The following RAPGEF2 variants were observed in gnomAD, a reference collection of about 807,000 sequenced individuals.
RAPGEF2 encodes the protein PDZ domain containing guanine nucleotide exchange factor (GEF) 1.
A neutral mutation model predicts 186.7 loss-of-function variants in RAPGEF2; 54 were observed. The ratio of observed to expected loss-of-function variants is 0.29; its 90% CI spans 0.23 to 0.36. The LOEUF is 0.36. Among genes scored for constraint, RAPGEF2 ranks in the 10% least tolerant of loss-of-function variants. The pLI is 1.00. For missense variants in RAPGEF2, 1,532 were observed against 2,045.0 expected (o/e 0.75, Z 4.84); for synonymous variants, 712 against 705.9 (o/e 1.01, Z -0.14).
intron 8 of RAPGEF2, 144 bp downstream of exon 8, chr4:159,304,617 GTA>G (rs1763063805): frequency 5.4e-6 from 4 of 746,712 alleles, no homozygotes; most frequent in South Asian, 2.7e-5. Context: ...TGTTTATTTC[GTA>G]TATGTTATTT....
intron 7 of RAPGEF2, among the ~76,000 whole-genome samples, chr4:159,291,692 G>A (rs1761238595): frequency 1.3e-5 from 2 of 152,104 alleles, no homozygotes; most frequent in African/African-American, 4.8e-5. Context: ...TATATAACCA[G>A]TGTATCCACA....
chr4:159,355,280 G>A (rs1326144763), intron 28 of RAPGEF2, among the ~76,000 whole-genome samples: 2 of 152,190 alleles, frequency 1.3e-5, no homozygotes, highest in East Asian at 3.8e-4. Context: ...AATAGTTTTA[G>A]AATTTTTAAA....
At position 159,153,599 on chromosome 4, in the gene RAPGEF2, T is replaced by G. The variant is rs554270391; in HGVS notation, c.70-33043T>G. ...AACTGAACACTGTGAGAGTCTCTTA[T>G]CCTAATCCTTTTAACTGACCTATCA... On this transcript the variant is annotated intron_variant, in intron 1 of 29. Coordinates refer to ENST00000691494, the MANE Select transcript of RAPGEF2 (RefSeq NM_001394067.2). 3.9e-5 allele frequency among the ~76,000 whole-genome samples: 6 copies of G among 152,350 alleles called. No homozygotes were observed. In the East Asian group the frequency reaches 9.6e-4, roughly 24 times the overall value.
intron 4 of RAPGEF2, among the ~76,000 whole-genome samples, chr4:159,213,507 A>G (rs1013161839): frequency 5.9e-5 from 9 of 152,172 alleles, no homozygotes; most frequent in African/African-American, 2.2e-4. Context: ...CAACATTTTT[A>G]TATTTTTGAT....
At chr4:159,188,242 C>A (rs753994980) in intron 2 of RAPGEF2, among the ~76,000 whole-genome samples, 11 of 152,158 alleles carry the variant, frequency 7.2e-5, no homozygotes, top group Non-Finnish European at 1.6e-4. Flanking sequence ...CACATTCCCA[C>A]TGTGCACATA....
At chr4:159,105,930 ATTAG>A (rs1249361954) in intron 1 of RAPGEF2, among the ~76,000 whole-genome samples, 1 of 152,238 alleles carries the variant, frequency 6.6e-6, no homozygotes, top group Non-Finnish European at 1.5e-5. Context: ...CATTTGGTTG[ATTAG>A]TTAGAAGAAT....
rs557367817 is a variant in RAPGEF2, at chr4:159,134,194, G to A, written c.69+29963G>A. 4.6e-4 allele frequency among the ~76,000 whole-genome samples: 70 copies of A among 152,206 alleles called. 1 individual carries two copies. The highest frequency in any genetic ancestry group is 1.7e-3 in the African/African-American group (69 of 41,542). On this transcript the variant is annotated intron_variant, in intron 1 of 29. Transcript: ENST00000691494. ...ATCTGATTTCTATCCTTATAGTTTT[G>A]CCTTTTTAAGAATGTCTTGTACTGT... is the stretch of plus-strand genomic sequence containing the variant.
intron 1 of RAPGEF2, among the ~76,000 whole-genome samples, chr4:159,116,015 A>T (rs1221330371): frequency 6.6e-6 from 1 of 152,246 alleles, no homozygotes; most frequent in East Asian, 1.9e-4. Flanking sequence ...ACCATTCAGG[A>T]CATAGGCACG....
chr4:159,306,153 T>C (rs1763271334), intron 8 of RAPGEF2, among the ~76,000 whole-genome samples: 1 of 150,604 alleles, frequency 6.6e-6, no homozygotes, highest in Non-Finnish European at 1.5e-5. Flanking sequence ...TTTTTTTTTC[T>C]AATTCTGTGA....
intron 1 of RAPGEF2, among the ~76,000 whole-genome samples, chr4:159,164,180 AT>A (rs1364243254): frequency 6.6e-6 from 1 of 151,420 alleles, no homozygotes; most frequent in East Asian, 1.9e-4. Context: ...AATTTTTTGT[AT>A]TTTTAGTAGA....
chr4:159,290,793 A>G (rs1181469884), intron 7 of RAPGEF2, among the ~76,000 whole-genome samples: 1 of 152,182 alleles, frequency 6.6e-6, no homozygotes, highest in Non-Finnish European at 1.5e-5. Context: ...AAAATCTATT[A>G]GACTTCTTGC....
chr4:159,237,943 A>G (rs986240837), intron 4 of RAPGEF2, among the ~76,000 whole-genome samples: 16 of 149,848 alleles, frequency 1.1e-4, no homozygotes, highest in African/African-American at 3.9e-4. Context: ...GCTTGAGTTC[A>G]GGAGTTCAAG....
chr4:159,293,770 A>T (rs1457415108), intron 7 of RAPGEF2, among the ~76,000 whole-genome samples: 2 of 152,222 alleles, frequency 1.3e-5, no homozygotes, highest in Non-Finnish European at 2.9e-5. Flanking sequence ...ATAGTGGTTC[A>T]GGGTTGCAGC....
At chr4:159,295,266 A>G (rs544456187) in intron 7 of RAPGEF2, among the ~76,000 whole-genome samples, 314 of 152,330 alleles carry the variant, frequency 2.1e-3, no homozygotes, top group Admixed American at 5.4e-3. Flanking sequence ...AAGTTCTTGG[A>G]CTGAATGACC....
At chr4:159,202,070 T>C (rs1315374582) in intron 3 of RAPGEF2, among the ~76,000 whole-genome samples, 1 of 152,246 alleles carries the variant, frequency 6.6e-6, no homozygotes, top group African/African-American at 2.4e-5. Context: ...TTCTCAGTTG[T>C]GCCGAACCTG....
chr4:159,139,830 T>C (rs1406167137), intron 1 of RAPGEF2, among the ~76,000 whole-genome samples: 1 of 152,176 alleles, frequency 6.6e-6, no homozygotes, highest in Admixed American at 6.5e-5. Flanking sequence ...TCAATGAATG[T>C]CTGTGCTAAA....
At position 159,104,030 on chromosome 4, in the gene RAPGEF2, G is replaced by C. The variant is rs1737491021; in HGVS notation, c.-133G>C. 2 of 304,608 alleles carry C rather than the reference G, an allele frequency of 6.6e-6. No individual in the cohort carries two copies. The highest frequency in any genetic ancestry group is 4.6e-5 in the African/African-American group (2 of 43,778). The allele number at this position is 304,608 out of a possible 1,614,324, so 18.9% of individuals were successfully genotyped here. A position where few individuals can be genotyped will look rare whatever the true frequency, so the allele number is the denominator to read the frequency against. On this transcript the variant is annotated 5_prime_UTR_variant, in exon 1 of 30. Transcript: ENST00000691494. ...GCCCCCCCGCGGGCCCCGCGCCGCC[G>C]CCGCCGCGGTTTGGCTGATTAGTCG...
intron 7 of RAPGEF2, chr4:159,267,981 A>G (rs1301278284): frequency 1.4e-6 from 2 of 1,406,286 alleles, no homozygotes; most frequent in Non-Finnish European, 1.8e-6. Flanking sequence ...TCTGGTCTAC[A>G]AGTGTGAAGG....
chr4:159,214,897 C>CTG (rs1750856638), intron 4 of RAPGEF2, among the ~76,000 whole-genome samples: 1 of 152,154 alleles, frequency 6.6e-6, no homozygotes, highest in Non-Finnish European at 1.5e-5. Flanking sequence ...GAGTCTTACT[C>CTG]TGTTGTCCAG....
Sources: gnomAD v4.1 joint callset for allele counts (sites outside exome capture counted in the v4.1 genomes callset) on GRCh38, gnomAD v4.1.1 for gene constraint, MANE v1.5 for transcripts, NCBI Gene and HGNC (gene_info 2026-07-23, HGNC 2026-07-21) for gene names.